Variants in CHRNA7 observed in about 807,000 individuals in gnomAD.
CHRNA7 encodes the protein cholinergic receptor nicotinic alpha 7 subunit.
Under a neutral mutation model 48.0 loss-of-function variants are expected in CHRNA7, and 17 were observed. The ratio of observed to expected loss-of-function variants is 0.35; its 90% CI spans 0.24 to 0.53. The LOEUF (loss-of-function observed/expected upper bound fraction) is 0.53, where lower values mean the gene tolerates loss of function less well. CHRNA7 is among the 20% of genes least tolerant of loss of function. The probability of loss-of-function intolerance (pLI) is 0.92; values close to 1 mark genes in which losing one functional copy is unlikely to be tolerated. For missense variants in CHRNA7, 155 were observed against 577.7 expected (o/e 0.27, Z 7.50); for synonymous variants, 75 against 242.3 (o/e 0.31, Z 6.41).
rs150023611 is a variant in CHRNA7 at position 32,088,467 on chromosome 15, C to T, written c.196-12836C>T. Reference sequence around the variant, plus strand: ...ATATCTAGGAATATAGTTGTTGTATCGTATGGTAACACTAGGTTTAGTTTT... The same window carrying T: ...ATATCTAGGAATATAGTTGTTGTATTGTATGGTAACACTAGGTTTAGTTTT... On this transcript the variant is annotated intron_variant, in intron 2 of 9. Transcript: ENST00000306901. Among the ~76,000 whole-genome samples the T allele has an allele frequency of 5.7e-3, 861 of 152,210 alleles. 12 individuals are homozygous for T. Among genetic ancestry groups the T allele is most frequent in the African/African-American group, 0.019 (807 of 41,528 alleles).
chr15:32,101,889 A>G (rs2050579321), intron 3 of CHRNA7: 2 of 152,198 alleles, frequency 1.3e-5, no homozygotes, highest in Non-Finnish European at 2.9e-5. Flanking sequence ...TTAACATCCA[A>G]TTGTAAATAT....
intron 2 of CHRNA7, among the ~76,000 whole-genome samples, chr15:32,083,539 G>T (rs1226561426): frequency 6.6e-6 from 1 of 152,154 alleles, no homozygotes; most frequent in Non-Finnish European, 1.5e-5. Context: ...GTAAAAACTA[G>T]TGCAAATTTA....
rs1595387198 is a variant in CHRNA7 at position 32,050,960 on chromosome 15, G to A, written c.195+19923G>A. Among the ~76,000 whole-genome samples, 3 of 152,150 alleles carry A rather than the reference G, an allele frequency of 2.0e-5. No individual in the cohort carries two copies. In the South Asian group the frequency reaches 6.2e-4, roughly 32 times the overall value. ...TCAGCAGCGGTGTCTGCAGAACCGC[G>A]GATTTTCATGATCCGCGAATGCTGC... On this transcript the variant is annotated intron_variant, in intron 2 of 9. Transcript: ENST00000306901.
At chr15:32,114,033 T>C (rs1450470593) in intron 4 of CHRNA7, among the ~76,000 whole-genome samples, 4 of 87,444 alleles carry the variant, frequency 4.6e-5, no homozygotes, top group Non-Finnish European at 6.6e-5. Context: ...TATATATATA[T>C]ATATATATAT....
intron 2 of CHRNA7, among the ~76,000 whole-genome samples, chr15:32,069,266 C>A (rs1168485244): frequency 6.6e-6 from 1 of 152,186 alleles, no homozygotes; most frequent in Non-Finnish European, 1.5e-5. Context: ...TACAACTCAA[C>A]AAAAATACAA....
chr15:32,146,845 A>G (rs2051498898), intron 4 of CHRNA7, among the ~76,000 whole-genome samples: 2 of 152,238 alleles, frequency 1.3e-5, no homozygotes, highest in South Asian at 4.1e-4. Context: ...AGTAAATTTA[A>G]AATTTACAAT....
intron 3 of CHRNA7, among the ~76,000 whole-genome samples, chr15:32,104,496 A>G (rs1473184768): frequency 2.6e-5 from 4 of 152,090 alleles, no homozygotes; most frequent in African/African-American, 9.7e-5. Context: ...GCTTCTCACC[A>G]TGTAACCCGC....
chr15:32,147,081 A>G (rs2051504218), intron 4 of CHRNA7, among the ~76,000 whole-genome samples: 3 of 152,238 alleles, frequency 2.0e-5, no homozygotes, highest in African/African-American at 2.4e-5. Context: ...TGTTACTTAT[A>G]GCTTTGCTGT....
At chr15:32,056,188 C>A (rs1437940431) in intron 2 of CHRNA7, among the ~76,000 whole-genome samples, 1 of 152,088 alleles carries the variant, frequency 6.6e-6, no homozygotes, top group Non-Finnish European at 1.5e-5. Flanking sequence ...ATCCTTTCTT[C>A]TACATTTAGT....
intron 2 of CHRNA7, among the ~76,000 whole-genome samples, chr15:32,093,263 G>T (rs1309692490): frequency 3.6e-4 from 55 of 152,166 alleles, no homozygotes; most frequent in Admixed American, 3.6e-3. Flanking sequence ...TTCTCTGTTA[G>T]GGTCTGCTCT....
intron 4 of CHRNA7, among the ~76,000 whole-genome samples, chr15:32,122,467 T>C (rs1172917014): frequency 6.6e-6 from 1 of 152,202 alleles, no homozygotes; most frequent in Non-Finnish European, 1.5e-5. Flanking sequence ...TTTCACATTA[T>C]TTGTGGTCTT....
At chr15:32,049,725 C>G (rs920732995) in intron 2 of CHRNA7, among the ~76,000 whole-genome samples, 2 of 152,160 alleles carry the variant, frequency 1.3e-5, no homozygotes, top group East Asian at 1.9e-4. Context: ...TTAGTTGATG[C>G]AGTTTCTTCC....
At chr15:32,092,696 G>A (rs1394232220) in intron 2 of CHRNA7, among the ~76,000 whole-genome samples, 2 of 152,092 alleles carry the variant, frequency 1.3e-5, no homozygotes, top group Non-Finnish European at 2.9e-5. Flanking sequence ...AGAAGTATTA[G>A]AAATATCAAA....
At chr15:32,031,189 G>C (rs1040509612) in intron 2 of CHRNA7, 152 bp downstream of exon 2, 3 of 885,170 alleles carry the variant, frequency 3.4e-6, no homozygotes, top group Admixed American at 5.4e-5. Flanking sequence ...TCTGTCCCCA[G>C]CCTGCCCTCT....
At chr15:32,121,971 G>T (rs951802687) in intron 4 of CHRNA7, among the ~76,000 whole-genome samples, 1 of 152,288 alleles carries the variant, frequency 6.6e-6, no homozygotes, top group South Asian at 2.1e-4. Context: ...TGTCCCTGAC[G>T]CCTGGCCACA....
At chr15:32,147,238 A>C (rs1395512155) in intron 4 of CHRNA7, among the ~76,000 whole-genome samples, 1 of 152,204 alleles carries the variant, frequency 6.6e-6, no homozygotes, top group East Asian at 1.9e-4. Context: ...CAGACACTGG[A>C]GACTACTGTA....
intron 4 of CHRNA7, among the ~76,000 whole-genome samples, chr15:32,129,348 G>A (rs2051118697): frequency 6.6e-6 from 1 of 151,816 alleles, no homozygotes. Flanking sequence ...TTCCTTAAAT[G>A]TTTGTTAAAA....
At chr15:32,112,537 G>A (rs192600798) in intron 4 of CHRNA7, among the ~76,000 whole-genome samples, 129 of 152,352 alleles carry the variant, frequency 8.5e-4, no homozygotes, top group African/African-American at 3.1e-3. Flanking sequence ...GGCAGGGTAA[G>A]TTTCTAGAAG....
chr15:32,152,569 G>A (rs2051653490), intron 4 of CHRNA7, among the ~76,000 whole-genome samples: 1 of 152,210 alleles, frequency 6.6e-6, no homozygotes, highest in Admixed American at 6.5e-5. Context: ...GGAAGGAAGG[G>A]AGGAGCAGGG....
Sources: allele counts gnomAD v4.1 joint callset (sites outside exome capture counted in the v4.1 genomes callset), GRCh38; gene constraint gnomAD v4.1.1; transcripts MANE v1.5; gene names NCBI Gene and HGNC (gene_info 2026-07-23, HGNC 2026-07-21).